The following LDLRAD3 variants were observed in gnomAD, a reference collection of about 807,000 sequenced individuals.
LDLRAD3 encodes the protein low density lipoprotein receptor class A domain containing 3.
A neutral mutation model predicts 29.4 loss-of-function variants in LDLRAD3; 20 were observed. The ratio of observed to expected loss-of-function variants is 0.68; its 90% CI spans 0.48 to 0.99. The LOEUF (loss-of-function observed/expected upper bound fraction) is 0.99. Ranked by LOEUF, LDLRAD3 falls within the 50% of genes least tolerant of loss-of-function variation. The pLI, the probability that LDLRAD3 is intolerant of heterozygous loss-of-function variation, is 0.00. For missense variants in LDLRAD3, 420 were observed against 454.3 expected, an observed-to-expected ratio of 0.92 and a Z score of 0.69; for synonymous variants, 157 against 192.7, an observed-to-expected ratio of 0.81 and a Z score of 1.53.
At chr11:35,955,784 G>A (rs546456022) in intron 1 of LDLRAD3, among the ~76,000 whole-genome samples, 13 of 152,346 alleles carry the variant, frequency 8.5e-5, no homozygotes, top group Admixed American at 2.6e-4. Flanking sequence ...AAAATATTTA[G>A]AGAATACATA....
chr11:36,053,556 A>G (rs1482950845), intron 2 of LDLRAD3, among the ~76,000 whole-genome samples: 1 of 152,200 alleles, frequency 6.6e-6, no homozygotes, highest in Non-Finnish European at 1.5e-5. Flanking sequence ...ATAAGGATGT[A>G]TACAAAGTGC....
intron 2 of LDLRAD3, among the ~76,000 whole-genome samples, chr11:36,040,513 C>T (rs1238512119): frequency 6.6e-6 from 1 of 152,042 alleles, no homozygotes; most frequent in Non-Finnish European, 1.5e-5. Flanking sequence ...TCTGTATCTC[C>T]CCCCATTTTT....
intron 1 of LDLRAD3, among the ~76,000 whole-genome samples, chr11:36,030,132 T>C (rs113401010): frequency 8.6e-4 from 131 of 152,290 alleles, no homozygotes; most frequent in Non-Finnish European, 1.7e-3. Context: ...TAGACAGAGC[T>C]AGAGATCTGG....
chr11:35,956,144 G>A (rs564240299), intron 1 of LDLRAD3, among the ~76,000 whole-genome samples: 1 of 152,292 alleles, frequency 6.6e-6, no homozygotes, highest in East Asian at 1.9e-4. Flanking sequence ...TTACTGAGGA[G>A]AAGGTGTATT....
chr11:36,098,011 A>C (rs1007548724), intron 3 of LDLRAD3, among the ~76,000 whole-genome samples: 4 of 152,188 alleles, frequency 2.6e-5, no homozygotes, highest in Non-Finnish European at 4.4e-5. Context: ...ATGTTGATGA[A>C]CCCAAGATTT....
intron 4 of LDLRAD3, among the ~76,000 whole-genome samples, chr11:36,192,045 T>G (rs1854961207): frequency 6.6e-6 from 1 of 152,134 alleles, no homozygotes; most frequent in Non-Finnish European, 1.5e-5. Context: ...GGCAGTAAGC[T>G]TTCAAAAGAG....
At chr11:36,205,435 G>A (rs1855193357) in intron 4 of LDLRAD3, among the ~76,000 whole-genome samples, 1 of 152,204 alleles carries the variant, frequency 6.6e-6, no homozygotes, top group Non-Finnish European at 1.5e-5. Flanking sequence ...AAGGGCTGTT[G>A]AAGGACTTTT....
chr11:36,191,175 G>T (rs1854935641), intron 4 of LDLRAD3, among the ~76,000 whole-genome samples: 1 of 152,126 alleles, frequency 6.6e-6, no homozygotes, highest in Admixed American at 6.5e-5. Context: ...TGTGTATCAG[G>T]CCTGGGAGCC....
At chr11:36,164,284 A>G in intron 4 of LDLRAD3, among the ~76,000 whole-genome samples, 1 of 152,198 alleles carries the variant, frequency 6.6e-6, no homozygotes, top group East Asian at 1.9e-4. Context: ...ATGCTGTTTC[A>G]CCTATTTAAA....
intron 1 of LDLRAD3, among the ~76,000 whole-genome samples, chr11:35,996,442 C>A (rs558122141): frequency 1.3e-5 from 2 of 152,082 alleles, no homozygotes; most frequent in South Asian, 2.1e-4. Flanking sequence ...TCACAGGTCA[C>A]CAGAACAGAT....
intron 4 of LDLRAD3, among the ~76,000 whole-genome samples, chr11:36,181,305 T>C (rs1854759591): frequency 6.6e-6 from 1 of 152,130 alleles, no homozygotes; most frequent in South Asian, 2.1e-4. Context: ...CCCTGCTTAT[T>C]GTTCTCTGTC....
At chr11:36,177,551 C>G (rs1854696823) in intron 4 of LDLRAD3, among the ~76,000 whole-genome samples, 1 of 152,228 alleles carries the variant, frequency 6.6e-6, no homozygotes. Context: ...AGGGATGGGG[C>G]TTCCTGAGAG....
At chr11:36,054,739 AAGTATGCATGGATGCT>A (rs1852581954) in intron 2 of LDLRAD3, among the ~76,000 whole-genome samples, 1 of 145,046 alleles carries the variant, frequency 6.9e-6, no homozygotes, top group African/African-American at 2.6e-5. Flanking sequence ...GGATGGATGG[AAGTATGCATGGATGCT>A]TGGATGGATG....
chr11:36,028,982 C>T (rs1249901587), intron 1 of LDLRAD3, among the ~76,000 whole-genome samples: 2 of 152,288 alleles, frequency 1.3e-5, no homozygotes, highest in African/African-American at 2.4e-5. Context: ...CAGTGGCTCA[C>T]GCCTGTAATC....
At chr11:36,060,261 G>A (rs1245133885) in intron 2 of LDLRAD3, among the ~76,000 whole-genome samples, 5 of 151,654 alleles carry the variant, frequency 3.3e-5, no homozygotes, top group South Asian at 2.1e-4. Context: ...GGCTGAGACA[G>A]GAGAATGGCG....
intron 1 of LDLRAD3, among the ~76,000 whole-genome samples, chr11:35,969,988 G>A (rs1851392483): frequency 6.6e-6 from 1 of 152,152 alleles, no homozygotes; most frequent in South Asian, 2.1e-4. Context: ...TTTTTATGAG[G>A]AGCAAAGAAG....
chr11:36,212,290 C>A (rs919999733), intron 4 of LDLRAD3, among the ~76,000 whole-genome samples: 2 of 152,104 alleles, frequency 1.3e-5, no homozygotes, highest in East Asian at 1.9e-4. Flanking sequence ...AGTCCCACCC[C>A]CTTCCCGTGC....
At chr11:36,123,057 C>G (rs943719623) in intron 4 of LDLRAD3, among the ~76,000 whole-genome samples, 27 of 152,096 alleles carry the variant, frequency 1.8e-4, no homozygotes, top group Non-Finnish European at 3.4e-4. Context: ...CATGATGGCA[C>G]ATGCCTGTAG....
At chr11:36,201,104 G>A (rs1271294368) in intron 4 of LDLRAD3, among the ~76,000 whole-genome samples, 1 of 152,202 alleles carries the variant, frequency 6.6e-6, no homozygotes, top group East Asian at 1.9e-4. Context: ...GGGACCAGTA[G>A]AGTTATTTGA....
Sources: allele counts gnomAD v4.1 joint callset (sites outside exome capture counted in the v4.1 genomes callset), GRCh38; gene constraint gnomAD v4.1.1; transcripts MANE v1.5; gene names NCBI Gene and HGNC (gene_info 2026-07-23, HGNC 2026-07-21).